The following ZNF704 variants were observed in gnomAD, a reference collection of about 807,000 sequenced individuals.
The protein encoded by ZNF704 is glucocorticoid induced gene 1.
Under a neutral mutation model 44.7 loss-of-function variants are expected in ZNF704, and 10 were observed. The ratio of observed to expected loss-of-function variants is 0.22; its 90% CI spans 0.14 to 0.38. ZNF704 has a LOEUF of 0.38. ZNF704 is among the 10% of genes least tolerant of loss of function. The pLI is 1.00. For synonymous variants in ZNF704, 211 were observed against 207.6 expected, an observed-to-expected ratio of 1.02 and a Z score of -0.14; for missense variants, 390 against 545.5, an observed-to-expected ratio of 0.71 and a Z score of 2.84.
At chr8:80,771,092 C>A (rs765410699) in intron 2 of ZNF704, among the ~76,000 whole-genome samples, 1 of 152,156 alleles carries the variant, frequency 6.6e-6, no homozygotes, top group Non-Finnish European at 1.5e-5. Context: ...TATCTCTCCA[C>A]AAATAGCACA....
upstream of ZNF704, among the ~76,000 whole-genome samples, chr8:80,878,667 A>G (rs1809390165): frequency 2.6e-5 from 4 of 152,266 alleles, no homozygotes; most frequent in South Asian, 8.3e-4. Context: ...GGTTAAGAGA[A>G]TAACTCATCT....
intron 2 of ZNF704, among the ~76,000 whole-genome samples, chr8:80,704,938 G>A (rs1818872362): frequency 6.6e-6 from 1 of 152,140 alleles, no homozygotes; most frequent in Non-Finnish European, 1.5e-5. Context: ...TAGCCAGTTG[G>A]TCAGAAGCAC....
chr8:80,658,430 A>T (rs985164601), intron 7 of ZNF704, among the ~76,000 whole-genome samples: 1 of 151,926 alleles, frequency 6.6e-6, no homozygotes, highest in Non-Finnish European at 1.5e-5. Flanking sequence ...CCTGACACCT[A>T]CATCAGTGGA....
rs770909135 is a variant in ZNF704 at position 80,664,838 on chromosome 8, C to T, written c.904G>A (p.Val302Met). ...ACCTGGTAAGCATGGTCAGTGTGCA[C>T]GAGGTAGAGGGTGGTGGGAGCTGAG... ...SRSAPTTLYL[V>M]HTDHAYQATP... Residue 302 changes from valine to methionine, a missense_variant, in exon 6 of 9, where the codon GTG becomes ATG. Coordinates refer to ENST00000327835, the MANE Select transcript of ZNF704 (RefSeq NM_001033723.3). The T allele has an allele frequency of 1.1e-5, 17 of 1,614,138 alleles. No individual in the cohort carries two copies. The highest frequency in any genetic ancestry group is 4.5e-5 in the East Asian group (2 of 44,874).
At chr8:80,844,624 AATCC>A (rs1477735828) in intron 1 of ZNF704, among the ~76,000 whole-genome samples, 29 of 152,290 alleles carry the variant, frequency 1.9e-4, no homozygotes, top group African/African-American at 5.8e-4. Context: ...GGAAGTCAGG[AATCC>A]AACTAGGTGT....
chr8:80,879,922 G>GA, the ZNF704 span, among the ~76,000 whole-genome samples: 5 of 151,686 alleles, frequency 3.3e-5, no homozygotes, highest in African/African-American at 7.3e-5. Flanking sequence ...TCACACTAAA[G>GA]AAAAAAAACA....
intron 2 of ZNF704, among the ~76,000 whole-genome samples, chr8:80,820,642 G>A (rs893349743): frequency 5.9e-5 from 9 of 152,096 alleles, no homozygotes; most frequent in African/African-American, 1.9e-4. Flanking sequence ...ACTCATGCCT[G>A]TAATCTCAGG....
Position 80,643,079 on chromosome 8 carries a change from C to A in ZNF704, c.1083G>T (p.Ala361=). Residue 361 remains alanine (A), a synonymous_variant, in exon 8 of 9, where the codon GCG becomes GCT. Coordinates refer to ENST00000327835, the MANE Select transcript of ZNF704 (RefSeq NM_001033723.3). ...TGGGTGGGGAGGACAGGACCGTGTG[C>A]GCATGCTGTCTCTGCTCTCCTGTGC... ...PVGTGEQRQH[A]HTVLSSPPRG... 6.2e-7 allele frequency: 1 copy of A among 1,604,752 alleles called. No individual in the cohort carries two copies. The highest frequency in any genetic ancestry group is 1.3e-5 in the African/African-American group (1 of 74,654).
intron 2 of ZNF704, among the ~76,000 whole-genome samples, chr8:80,748,269 T>A (rs1188631292): frequency 6.6e-6 from 1 of 151,428 alleles, no homozygotes; most frequent in Non-Finnish European, 1.5e-5. Context: ...GTGGGCACCA[T>A]GCAAAGTCTA....
intron 2 of ZNF704, among the ~76,000 whole-genome samples, chr8:80,744,733 A>G (rs1339233132): frequency 6.6e-6 from 1 of 152,206 alleles, no homozygotes; most frequent in East Asian, 1.9e-4. Flanking sequence ...CTAATGGACC[A>G]TCCCTTTTAC....
intron 2 of ZNF704, among the ~76,000 whole-genome samples, chr8:80,696,626 C>CA (rs1818729890): frequency 6.6e-6 from 1 of 152,178 alleles, no homozygotes. Flanking sequence ...CCATGTTGAC[C>CA]ACGCTGGTCT....
intron 3 of ZNF704, among the ~76,000 whole-genome samples, chr8:80,691,934 C>T (rs148800928): frequency 6.6e-6 from 1 of 152,222 alleles, no homozygotes; most frequent in Non-Finnish European, 1.5e-5. Flanking sequence ...CCTGCTCACT[C>T]TCTCTGTCCA....
chr8:80,793,480 T>C (rs1157245846), intron 2 of ZNF704, among the ~76,000 whole-genome samples: 1 of 152,130 alleles, frequency 6.6e-6, no homozygotes, highest in Non-Finnish European at 1.5e-5. Context: ...ACATTCATAA[T>C]ATATTAATTA....
chr8:80,777,834 G>A lies in ZNF704; in HGVS notation c.221+43540C>T, dbSNP rs545376475. The stretch of plus-strand genomic sequence containing the variant: ...GCAGAGGTTGCATTGAGCCGAGATC[G>A]CGCCACTGCACTCCAGCCTAGGCGA... On this transcript the variant is annotated intron_variant, in intron 2 of 8. Transcript: ENST00000327835. Among the ~76,000 whole-genome samples the A allele has an allele frequency of 1.5e-4, 22 of 150,828 alleles. No individual in the cohort carries two copies. The East Asian group carries it at 2.9e-3, about 20-fold the overall frequency.
chr8:80,687,313 G>T lies in ZNF704; in HGVS notation c.471C>A (p.Phe157Leu). The change falls in exon 4 of 9, where the codon TTC (phenylalanine) becomes TTA (leucine). Residue 157 changes from phenylalanine to leucine, a missense_variant. By Grantham distance (22) the Phe-to-Leu change is conservative. Coordinates refer to ENST00000327835, the MANE Select transcript of ZNF704 (RefSeq NM_001033723.3). The stretch of plus-strand genomic sequence containing the variant: ...CGTCGTCTGGCTGCGCGGGGCTGCG[G>T]AAGGGCTTGAAGCTGTCAGCCGAGA... ...PPLSADSFKP[F>L]RSPAQPDDGI... The T allele has an allele frequency of 6.2e-7, 1 of 1,612,588 alleles. No individual in the cohort carries two copies. Among genetic ancestry groups the T allele is most frequent in the Non-Finnish European group, 8.5e-7 (1 of 1,179,866 alleles).
chr8:80,741,330 A>G (rs1174660275), intron 2 of ZNF704, among the ~76,000 whole-genome samples: 3 of 152,180 alleles, frequency 2.0e-5, no homozygotes, highest in African/African-American at 2.4e-5. Flanking sequence ...ACTTTTCTTT[A>G]TATGTCACAG....
intron 1 of ZNF704, among the ~76,000 whole-genome samples, chr8:80,861,867 C>A (rs772019655): frequency 8.6e-5 from 13 of 151,770 alleles, no homozygotes; most frequent in Non-Finnish European, 1.6e-4. Flanking sequence ...GCTTTTGATT[C>A]TCCTTTCAAT....
Position 80,762,656 on chromosome 8 carries a change from C to T in ZNF704, c.221+58718G>A, listed in dbSNP as rs143506474. 1.5e-3 allele frequency among the ~76,000 whole-genome samples: 221 copies of T among 152,232 alleles called. 1 individual carries two copies. Among genetic ancestry groups the T allele is most frequent in the African/African-American group, 5.1e-3 (213 of 41,554 alleles). On this transcript the variant is annotated intron_variant, in intron 2 of 8. Transcript: ENST00000327835. Reference sequence around the variant, plus strand: ...GACATAGCCAAACCATATTATTCTGCCCTGGCCCCTCTCAAATCTCACGTC... The same window carrying T: ...GACATAGCCAAACCATATTATTCTGTCCTGGCCCCTCTCAAATCTCACGTC...
intron 2 of ZNF704, among the ~76,000 whole-genome samples, chr8:80,715,491 T>C (rs1819058634): frequency 6.6e-6 from 1 of 152,196 alleles, no homozygotes; most frequent in South Asian, 2.1e-4. Context: ...CCCTCTGTAT[T>C]GTGTCTTCCA....
Sources: gnomAD v4.1 joint callset for allele counts (sites outside exome capture counted in the v4.1 genomes callset) on GRCh38, gnomAD v4.1.1 for gene constraint, MANE v1.5 for transcripts, NCBI Gene and HGNC (gene_info 2026-07-23, HGNC 2026-07-21) for gene names.